Variants in BMPR1B observed in about 807,000 individuals in gnomAD.
BMPR1B encodes bone morphogenetic protein receptor type-1B.
In BMPR1B, 12 loss-of-function variants were observed where a neutral mutation model predicts 59.1. That is an observed-to-expected ratio of 0.20 (90% CI 0.13 to 0.33). The LOEUF is 0.33. BMPR1B is among the 10% of genes least tolerant of loss of function. The pLI, the probability that BMPR1B is intolerant of heterozygous loss-of-function variation, is 1.00. For synonymous variants in BMPR1B, 237 were observed against 207.3 expected, an observed-to-expected ratio of 1.14 and a Z score of -1.23; for missense variants, 550 against 610.9, an observed-to-expected ratio of 0.90 and a Z score of 1.05.
intron 6 of BMPR1B, among the ~76,000 whole-genome samples, chr4:95,117,728 T>C (rs1380962668): frequency 2.0e-5 from 3 of 152,052 alleles, no homozygotes; most frequent in Non-Finnish European, 4.4e-5. Context: ...CGACATTACA[T>C]TGCGCTACAG....
At chr4:94,988,250 A>G (rs1484606173) in intron 2 of BMPR1B, among the ~76,000 whole-genome samples, 2 of 152,130 alleles carry the variant, frequency 1.3e-5, no homozygotes, top group East Asian at 3.8e-4. Flanking sequence ...TGAAGTACTG[A>G]TAATACAGCT....
At chr4:94,770,992 T>G (rs1317463410) in intron 1 of BMPR1B, among the ~76,000 whole-genome samples, 1 of 151,940 alleles carries the variant, frequency 6.6e-6, no homozygotes, top group East Asian at 1.9e-4. Context: ...ACCTTAGAAA[T>G]TTGTCAAATT....
intron 1 of BMPR1B, among the ~76,000 whole-genome samples, chr4:94,865,164 C>T (rs936905377): frequency 5.3e-5 from 8 of 151,568 alleles, no homozygotes; most frequent in Non-Finnish European, 1.2e-4. Flanking sequence ...CATGTGCCAC[C>T]GTGCCTGACT....
intron 3 of BMPR1B, among the ~76,000 whole-genome samples, chr4:95,007,630 T>C (rs1722939159): frequency 6.6e-6 from 1 of 152,212 alleles, no homozygotes; most frequent in Non-Finnish European, 1.5e-5. Context: ...TTTAAAAGGA[T>C]TTTAAGACCT....
chr4:94,835,297 G>A (rs12508959), intron 1 of BMPR1B, among the ~76,000 whole-genome samples: 18,393 of 152,148 alleles, frequency 0.12, 1,168 homozygotes, highest in Non-Finnish European at 0.13. Context: ...AGCCTTCCGA[G>A]TAGCTGGGAT....
At chr4:94,982,596 T>C (rs998404853) in intron 2 of BMPR1B, among the ~76,000 whole-genome samples, 2 of 152,184 alleles carry the variant, frequency 1.3e-5, no homozygotes, top group African/African-American at 4.8e-5. Flanking sequence ...TCCTCGTTGA[T>C]ATTAATGTGC....
rs1723342730 is a variant in BMPR1B, at chr4:94,799,896, G to A, written c.-183+41828G>A. The stretch of plus-strand genomic sequence containing the variant: ...AGTAGAGATGGAGTTTCACCATGTT[G>A]GCCAGGCTGGTCTCAAACTCATGGC... On this transcript the variant is annotated intron_variant, in intron 1 of 12. Transcript: ENST00000515059. Among the ~76,000 whole-genome samples the A allele has an allele frequency of 2.0e-5, 3 of 151,886 alleles. No homozygotes were observed. The South Asian group carries it at 6.2e-4, about 32-fold the overall frequency.
At chr4:94,986,790 C>G (rs999733051) in intron 2 of BMPR1B, among the ~76,000 whole-genome samples, 3 of 151,780 alleles carry the variant, frequency 2.0e-5, no homozygotes, top group African/African-American at 7.3e-5. Context: ...GCCTGTAACC[C>G]CGGCACTTTG....
At chr4:94,985,509 CTGTGTGTGTGTGTG>C (rs60003954) in intron 2 of BMPR1B, among the ~76,000 whole-genome samples, 47,209 of 138,628 alleles carry the variant, frequency 0.34, 7,965 homozygotes, top group East Asian at 0.57. Context: ...AAAATAAGAG[CTGTGTGTGTGTGTG>C]TGTGTGTGTG....
At chr4:94,784,375 T>A (rs1722691575) in intron 1 of BMPR1B, among the ~76,000 whole-genome samples, 1 of 152,204 alleles carries the variant, frequency 6.6e-6, no homozygotes, top group African/African-American at 2.4e-5. Context: ...TGATAGAACT[T>A]TGTAAAATTA....
At chr4:94,811,528 T>A (rs543660616) in intron 1 of BMPR1B, among the ~76,000 whole-genome samples, 1 of 152,338 alleles carries the variant, frequency 6.6e-6, no homozygotes, top group Non-Finnish European at 1.5e-5. Flanking sequence ...ACTATTTCTT[T>A]GCATTTGTGA....
At chr4:94,834,943 T>G (rs1724743376) in intron 1 of BMPR1B, among the ~76,000 whole-genome samples, 2 of 135,224 alleles carry the variant, frequency 1.5e-5, no homozygotes, top group Admixed American at 1.5e-4. Context: ...TGTTTCTTTG[T>G]TTTTTTTTTT....
intron 1 of BMPR1B, among the ~76,000 whole-genome samples, chr4:94,821,644 C>T (rs973077642): frequency 6.6e-6 from 1 of 152,010 alleles, no homozygotes. Context: ...TATTGAATAC[C>T]TCCTATTTGT....
intron 3 of BMPR1B, among the ~76,000 whole-genome samples, chr4:95,008,565 T>C (rs948132687): frequency 1.3e-5 from 2 of 152,288 alleles, no homozygotes; most frequent in Non-Finnish European, 2.9e-5. Context: ...GCCAATACTT[T>C]AAAATATTTA....
rs558441895 is a variant in BMPR1B at position 95,134,755 on chromosome 4, T to C, written c.1076+3243T>C. Among the ~76,000 whole-genome samples the C allele has an allele frequency of 3.9e-5, 6 of 152,340 alleles. No homozygotes were observed. In the South Asian group the frequency reaches 1.2e-3, roughly 32 times the overall value. ...ATTTGTTTGAGTTCTTTGTAGATTC[T>C]GGATTAGCCCTTTGTCAGATGAGTA... is the stretch of plus-strand genomic sequence containing the variant. On this transcript the variant is annotated intron_variant, in intron 10 of 12. Transcript: ENST00000515059.
chr4:95,146,436 A>G (rs1157154416), intron 10 of BMPR1B, among the ~76,000 whole-genome samples: 2 of 152,210 alleles, frequency 1.3e-5, no homozygotes, highest in East Asian at 1.9e-4. Flanking sequence ...ATATCTCTAC[A>G]TCACACATTC....
intron 2 of BMPR1B, among the ~76,000 whole-genome samples, chr4:94,902,706 CAT>C (rs2149002337): frequency 6.6e-6 from 1 of 152,008 alleles, no homozygotes; most frequent in South Asian, 2.1e-4. Flanking sequence ...TTGGGAATTT[CAT>C]ATCTCTTTGA....
intron 3 of BMPR1B, among the ~76,000 whole-genome samples, chr4:95,062,540 T>TC (rs1490239466): frequency 6.6e-6 from 1 of 152,148 alleles, no homozygotes; most frequent in Non-Finnish European, 1.5e-5. Flanking sequence ...ATCTTTTTTT[T>TC]CCTCTTCCTA....
At chr4:94,884,244 G>A (rs1727085414) in intron 2 of BMPR1B, among the ~76,000 whole-genome samples, 2 of 152,126 alleles carry the variant, frequency 1.3e-5, no homozygotes, top group Non-Finnish European at 2.9e-5. Context: ...AACTGACCTC[G>A]GCTGGGCGTG....
Sources: gnomAD v4.1 joint callset for allele counts (sites outside exome capture counted in the v4.1 genomes callset) on GRCh38, gnomAD v4.1.1 for gene constraint, MANE v1.5 for transcripts, NCBI Gene and HGNC (gene_info 2026-07-23, HGNC 2026-07-21) for gene names.